The following HOATZ variants were observed in gnomAD, a reference collection of about 807,000 sequenced individuals.
The protein encoded by HOATZ is HOATZ cilia and flagella associated protein.
Under a neutral mutation model 24.9 loss-of-function variants are expected in HOATZ, and 26 were observed. That is an observed-to-expected ratio of 1.04 (90% CI 0.76 to 1.45). The LOEUF is 1.45. HOATZ is among the 40% of genes most tolerant of loss of function. HOATZ has a pLI of 0.00. For missense variants in HOATZ, 226 were observed against 201.5 expected (o/e 1.12, Z -0.74); for synonymous variants, 83 against 76.6 (o/e 1.08, Z -0.43).
Position 111,536,862 on chromosome 11 carries a change from T to G in HOATZ, c.*35T>G. On this transcript the variant is annotated 3_prime_UTR_variant, in exon 6 of 6. Coordinates refer to ENST00000375618, the MANE Select transcript of HOATZ (RefSeq NM_001100388.2). ...CACATGGCAGAGGATGGCTCACTTA[T>G]ACCTTCACTTTGGAAACAACCTTCT... is the stretch of plus-strand genomic sequence containing the variant. 6.4e-7 allele frequency: 1 copy of G among 1,561,388 alleles called. No homozygotes were observed. The highest frequency in any genetic ancestry group is 1.1e-5 in the South Asian group (1 of 89,928).
At chr11:111,528,935 T>C (rs993146351) in intron 3 of HOATZ, among the ~76,000 whole-genome samples, 1 of 152,366 alleles carries the variant, frequency 6.6e-6, no homozygotes, top group Admixed American at 6.5e-5. Context: ...TCTTTGGCTC[T>C]GCCAGTTACT....
chr11:111,527,525 G>T (rs140853148), intron 3 of HOATZ, among the ~76,000 whole-genome samples: 1 of 152,088 alleles, frequency 6.6e-6, no homozygotes, highest in East Asian at 1.9e-4. Flanking sequence ...TAACATCTTC[G>T]ATCCACTCCC....
chr11:111,514,890 T>C lies in HOATZ; in HGVS notation c.106T>C (p.Leu36=). ...TGGCTCCTCGGAACAAGATGCCAAC[T>C]TGGCTAAGCAGTTCTGGATCTCGGC... The part of the protein sequence containing the change: ...FAGSSEQDAN[L]AKQFWISASM... Residue 36 remains leucine, a synonymous_variant, in exon 1 of 6, where the codon TTG becomes CTG. Coordinates refer to ENST00000375618, the MANE Select transcript of HOATZ (RefSeq NM_001100388.2). 6.2e-7 allele frequency: 1 copy of C among 1,614,096 alleles called. No individual in the cohort carries two copies. Among genetic ancestry groups the C allele is most frequent in the East Asian group, 2.2e-5 (1 of 44,876 alleles).
At chr11:111,515,408 A>T in intron 1 of HOATZ, 103 bp from the exon 2 acceptor site, 1 of 903,534 alleles carries the variant, frequency 1.1e-6, no homozygotes, top group Non-Finnish European at 1.8e-6. Flanking sequence ...GAGGCCTAGG[A>T]TGTGGAAACT....
intron 5 of HOATZ, chr11:111,534,753 T>C (rs1867432637): frequency 3.0e-6 from 1 of 331,316 alleles, no homozygotes; most frequent in African/African-American, 2.1e-5. Flanking sequence ...CTGGGCTATA[T>C]AATCACCCAT....
At chr11:111,525,487 G>C (rs917538860) in intron 3 of HOATZ, among the ~76,000 whole-genome samples, 7 of 152,210 alleles carry the variant, frequency 4.6e-5, no homozygotes, top group Non-Finnish European at 7.3e-5. Context: ...TTTTACTCCA[G>C]ACATGTGGGC....
rs12801863 is a variant in HOATZ at position 111,514,960 on chromosome 11, A to G, written c.176A>G (p.Asp59Gly). The change falls in exon 1 of 6, where the codon GAC becomes GGC. Residue 59 changes from aspartate to glycine, a missense_variant. Transcript: ENST00000375618. ...GAATCTCAGCTGGTGCTGCGCAGAG[A>G]CAGCAGTCAGCGTCTGCCGGTGGCG... is the stretch of plus-strand genomic sequence containing the variant. Reference protein sequence around the residue: ...PSESQLVLRRDSSQRLPVARP... With the variant: ...PSESQLVLRRGSSQRLPVARP... 6.2e-7 allele frequency: 1 copy of G among 1,613,832 alleles called. No homozygotes were observed. The highest frequency in any genetic ancestry group is 2.2e-5 in the East Asian group (1 of 44,878).
chr11:111,533,117 A>G (rs577846780), intron 3 of HOATZ, among the ~76,000 whole-genome samples: 1 of 152,370 alleles, frequency 6.6e-6, no homozygotes, highest in South Asian at 2.1e-4. Flanking sequence ...AGGAGAGACG[A>G]AAGAATAAGG....
At chr11:111,533,523 A>G (rs1284981824) in intron 3 of HOATZ, among the ~76,000 whole-genome samples, 3 of 152,178 alleles carry the variant, frequency 2.0e-5, no homozygotes, top group Non-Finnish European at 2.9e-5. Context: ...ATTTTACAAT[A>G]AAATTTTACA....
chr11:111,529,167 T>A (rs1867369653), intron 3 of HOATZ, among the ~76,000 whole-genome samples: 1 of 152,050 alleles, frequency 6.6e-6, no homozygotes, highest in Admixed American at 6.5e-5. Context: ...TCCAAACCCA[T>A]GATTGAAAAA....
At chr11:111,520,780 C>G (rs1225551630) in intron 3 of HOATZ, among the ~76,000 whole-genome samples, 1 of 152,186 alleles carries the variant, frequency 6.6e-6, no homozygotes, top group Non-Finnish European at 1.5e-5. Flanking sequence ...TGAATCATCC[C>G]TCAGTCCAGT....
intron 3 of HOATZ, among the ~76,000 whole-genome samples, chr11:111,516,427 G>A (rs1240978873): frequency 6.6e-6 from 1 of 152,014 alleles, no homozygotes; most frequent in Non-Finnish European, 1.5e-5. Flanking sequence ...TAGCATAAGA[G>A]GCCAGGTGCA....
chr11:111,535,087 T>C (rs1439420037), intron 5 of HOATZ: 1 of 152,136 alleles, frequency 6.6e-6, no homozygotes, highest in African/African-American at 2.4e-5. Flanking sequence ...ATATGACAAA[T>C]ATTTATTTTC....
chr11:111,525,107 G>A, intron 3 of HOATZ: 1 of 236,632 alleles, frequency 4.2e-6, no homozygotes, highest in Non-Finnish European at 8.5e-6. Flanking sequence ...TTGAGCTCAA[G>A]CGATTTGCCC....
At chr11:111,517,385 A>G (rs1191143713) in intron 3 of HOATZ, among the ~76,000 whole-genome samples, 1 of 152,196 alleles carries the variant, frequency 6.6e-6, no homozygotes, top group Non-Finnish European at 1.5e-5. Context: ...AAGACAAACT[A>G]TTATAAATTT....
intron 3 of HOATZ, among the ~76,000 whole-genome samples, chr11:111,516,831 G>A (rs1032888934): frequency 6.6e-6 from 1 of 152,202 alleles, no homozygotes; most frequent in African/African-American, 2.4e-5. Context: ...CTAAAGGCTG[G>A]AATTAAACAC....
chr11:111,519,895 G>A (rs1050084389), intron 3 of HOATZ, among the ~76,000 whole-genome samples: 2 of 151,526 alleles, frequency 1.3e-5, no homozygotes, highest in African/African-American at 2.4e-5. Context: ...TCTCCTCAAC[G>A]GATATTGATT....
chr11:111,520,679 T>C (rs930916362), intron 3 of HOATZ, among the ~76,000 whole-genome samples: 1 of 152,190 alleles, frequency 6.6e-6, no homozygotes, highest in African/African-American at 2.4e-5. Context: ...AAATATTAAA[T>C]AAAAAATTCT....
intron 5 of HOATZ, chr11:111,535,691 C>A (rs1396243136): frequency 6.6e-6 from 1 of 151,788 alleles, no homozygotes; most frequent in Non-Finnish European, 1.5e-5. Context: ...CGGAGTCTCG[C>A]TCTGTCACCT....
Sources: allele counts gnomAD v4.1 joint callset (sites outside exome capture counted in the v4.1 genomes callset), GRCh38; gene constraint gnomAD v4.1.1; transcripts MANE v1.5; gene names NCBI Gene and HGNC (gene_info 2026-07-23, HGNC 2026-07-21).